The following PTPRQ variants were observed in gnomAD, a reference collection of about 807,000 sequenced individuals.
PTPRQ encodes the protein protein tyrosine phosphatase receptor type Q.
Under a neutral mutation model 246.0 loss-of-function variants are expected in PTPRQ, and 199 were observed. The ratio of observed to expected loss-of-function variants is 0.81; its 90% CI spans 0.72 to 0.91. PTPRQ has a LOEUF of 0.91. PTPRQ is among the 40% of genes least tolerant of loss of function. The pLI, the probability that PTPRQ is intolerant of heterozygous loss-of-function variation, is 0.00. For synonymous variants in PTPRQ, 869 were observed against 853.2 expected, an observed-to-expected ratio of 1.02 and a Z score of -0.32; for missense variants, 2,624 against 2,528.4, an observed-to-expected ratio of 1.04 and a Z score of -0.81.
Position 80,643,063 on chromosome 12 carries a change from C to T in PTPRQ, c.5916-5834C>T, listed in dbSNP as rs757851920. Reference sequence around the variant, plus strand: ...CTTCAAATTTAATGCTTCTTTTAAACTGATTTGTCCTACACATATGAGAAG... The same window carrying T: ...CTTCAAATTTAATGCTTCTTTTAAATTGATTTGTCCTACACATATGAGAAG... On this transcript the variant is annotated intron_variant, in intron 35 of 44. Transcript: ENST00000644991. Among the ~76,000 whole-genome samples, 55 of 150,860 alleles carry T rather than the reference C, an allele frequency of 3.6e-4. 3 individuals are homozygous for T. Among genetic ancestry groups the T allele is most frequent in the Non-Finnish European group, 7.4e-5 (5 of 67,792 alleles).
chr12:80,469,862 A>C (rs1592545833), intron 7 of PTPRQ, among the ~76,000 whole-genome samples: 1 of 152,364 alleles, frequency 6.6e-6, no homozygotes, highest in East Asian at 1.9e-4. Flanking sequence ...CTGATAAATC[A>C]AGTGAGAGGC....
chr12:80,665,789 A>C (rs1023493706), intron 39 of PTPRQ, among the ~76,000 whole-genome samples: 1 of 152,008 alleles, frequency 6.6e-6, no homozygotes, highest in Admixed American at 6.6e-5. Context: ...AAATGAGCTG[A>C]ATGAACATCT....
intron 25 of PTPRQ, among the ~76,000 whole-genome samples, chr12:80,583,361 T>A (rs1199601225): frequency 6.6e-6 from 1 of 152,188 alleles, no homozygotes; most frequent in Admixed American, 6.5e-5. Context: ...TTTATTGAGA[T>A]GGATGCGGAA....
In PTPRQ at chr12:80,542,594, G is replaced by C; in HGVS notation, c.3722-136G>C. The C allele has an allele frequency of 7.7e-6, 9 of 1,162,792 alleles. No individual in the cohort carries two copies. In the South Asian group the frequency reaches 1.4e-4, roughly 18 times the overall value. The allele number at this position is 1,162,792 out of a possible 1,614,324, so 72.0% of individuals were successfully genotyped here. A position where few individuals can be genotyped will look rare whatever the true frequency, so the allele number is the denominator to read the frequency against. Reference sequence around the variant, plus strand: ...CCAAATACAAATTATAATTAATTATGATATTTGTTTCTGAAATTTAAATAT... The same window carrying C: ...CCAAATACAAATTATAATTAATTATCATATTTGTTTCTGAAATTTAAATAT... On this transcript the variant is annotated intron_variant, in intron 22 of 44. Coordinates refer to ENST00000644991, the MANE Select transcript of PTPRQ (RefSeq NM_001145026.2).
chr12:80,464,081 A>T (rs1240862880), intron 6 of PTPRQ, among the ~76,000 whole-genome samples: 3 of 152,026 alleles, frequency 2.0e-5, no homozygotes, highest in Non-Finnish European at 4.4e-5. Flanking sequence ...GGCAAATTAG[A>T]TAAAGAGTCA....
At chr12:80,484,329 G>T (rs1258359690) in intron 8 of PTPRQ, 104 bp from the exon 9 acceptor site, 1 of 1,335,876 alleles carries the variant, frequency 7.5e-7, no homozygotes, top group Non-Finnish European at 1.0e-6. Context: ...TAATAGAATT[G>T]TTTATATATC....
At chr12:80,535,639 T>C (rs777856634) in intron 19 of PTPRQ, among the ~76,000 whole-genome samples, 2 of 152,208 alleles carry the variant, frequency 1.3e-5, no homozygotes, top group Non-Finnish European at 2.9e-5. Context: ...CTCTAGGATG[T>C]GAATGATGAT....
intron 23 of PTPRQ, among the ~76,000 whole-genome samples, chr12:80,544,843 A>G (rs1489476214): frequency 6.6e-6 from 1 of 152,078 alleles, no homozygotes; most frequent in Non-Finnish European, 1.5e-5. Flanking sequence ...AGGTAGAATA[A>G]TGCTTGAACC....
At chr12:80,565,402 G>T (rs567375915) in intron 25 of PTPRQ, among the ~76,000 whole-genome samples, 3 of 152,098 alleles carry the variant, frequency 2.0e-5, no homozygotes, top group Non-Finnish European at 4.4e-5. Context: ...AGGAACTGGT[G>T]CATATCTTAT....
At chr12:80,553,472 T>C (rs1896546607) in intron 25 of PTPRQ, among the ~76,000 whole-genome samples, 1 of 152,176 alleles carries the variant, frequency 6.6e-6, no homozygotes, top group South Asian at 2.1e-4. Context: ...TTATGTGGTC[T>C]AAGATTAGTC....
intron 37 of PTPRQ, among the ~76,000 whole-genome samples, chr12:80,651,180 A>G (rs941952338): frequency 1.3e-5 from 2 of 152,216 alleles, no homozygotes; most frequent in Non-Finnish European, 1.5e-5. Context: ...AATTATGAAT[A>G]TAAAATGATT....
chr12:80,450,469 A>T (rs1391585002), intron 3 of PTPRQ, among the ~76,000 whole-genome samples: 1 of 152,152 alleles, frequency 6.6e-6, no homozygotes, highest in Non-Finnish European at 1.5e-5. Flanking sequence ...TTTCAAAGGG[A>T]ATGCTTCTGG....
intron 14 of PTPRQ, 85 bp downstream of exon 14, chr12:80,496,616 A>G (rs1012583078): frequency 7.0e-7 from 1 of 1,423,288 alleles, no homozygotes; most frequent in Non-Finnish European, 9.3e-7. Flanking sequence ...TTTACATTTT[A>G]CATAACCTAA....
At chr12:80,552,200 G>A (rs1043383838) in intron 25 of PTPRQ, among the ~76,000 whole-genome samples, 3 of 152,008 alleles carry the variant, frequency 2.0e-5, no homozygotes, top group Admixed American at 1.3e-4. Context: ...GTGTCAGAAA[G>A]GTCCATCAAG....
intron 16 of PTPRQ, among the ~76,000 whole-genome samples, chr12:80,509,944 C>T (rs2120712721): frequency 6.6e-6 from 1 of 152,112 alleles, no homozygotes; most frequent in South Asian, 2.1e-4. Flanking sequence ...TTTTTTCCCA[C>T]CTCTTTTTTA....
intron 25 of PTPRQ, among the ~76,000 whole-genome samples, chr12:80,553,443 C>T (rs1192064918): frequency 1.3e-5 from 2 of 151,970 alleles, no homozygotes; most frequent in Non-Finnish European, 2.9e-5. Context: ...AATTTTACAG[C>T]CTGTTGCATA....
At chr12:80,604,988 CTT>C in intron 26 of PTPRQ, 69 bp from the exon 27 acceptor site, 1 of 1,356,686 alleles carries the variant, frequency 7.4e-7, no homozygotes, top group Non-Finnish European at 9.6e-7. Context: ...TTTTCATGGT[CTT>C]TTCTATTATT....
In PTPRQ at chr12:80,669,336, C is replaced by T. The variant is rs1592779289; in HGVS notation, c.6328-3C>T. 1 of 1,548,656 alleles carries T rather than the reference C, an allele frequency of 6.5e-7. No homozygotes were observed. The highest frequency in any genetic ancestry group is 2.5e-5 in the East Asian group (1 of 40,810). On this transcript the variant is annotated splice_region_variant and splice_polypyrimidine_tract_variant and intron_variant, in intron 40 of 44. Transcript: ENST00000644991. Reference sequence around the variant, plus strand: ...TATGACTGATGATTTTCTCTGAATGCAGATCAGATGCCATCAGTATTGGCC... The same window carrying T: ...TATGACTGATGATTTTCTCTGAATGTAGATCAGATGCCATCAGTATTGGCC...
chr12:80,600,695 G>A (rs1443968117), intron 26 of PTPRQ, among the ~76,000 whole-genome samples: 2 of 151,752 alleles, frequency 1.3e-5, no homozygotes, highest in East Asian at 1.9e-4. Context: ...ATAGATGTTG[G>A]AGATGATCTT....
Sources: gnomAD v4.1 joint callset for allele counts (sites outside exome capture counted in the v4.1 genomes callset) on GRCh38, gnomAD v4.1.1 for gene constraint, MANE v1.5 for transcripts, NCBI Gene and HGNC (gene_info 2026-07-23, HGNC 2026-07-21) for gene names.